The following ST8SIA5 variants were observed in gnomAD, a reference collection of about 807,000 sequenced individuals.
The protein encoded by ST8SIA5 is alpha-2,8-sialyltransferase 8E.
ST8SIA5 carries 24 observed loss-of-function variants against 40.2 expected under a neutral mutation model. That is an observed-to-expected ratio of 0.60 (90% confidence interval 0.43 to 0.84). ST8SIA5 has a LOEUF of 0.84. Among genes scored for constraint, ST8SIA5 ranks in the 40% least tolerant of loss-of-function variants. ST8SIA5 has a pLI of 0.00. For missense variants in ST8SIA5, 465 were observed against 498.5 expected (o/e 0.93, Z 0.64); for synonymous variants, 198 against 201.8 (o/e 0.98, Z 0.16).
At chr18:46,753,746 C>G (rs1487762586) in intron 1 of ST8SIA5, among the ~76,000 whole-genome samples, 3 of 152,130 alleles carry the variant, frequency 2.0e-5, no homozygotes, top group Non-Finnish European at 4.4e-5. Context: ...TGGCCTCTTC[C>G]CTCTGCATGC....
intron 1 of ST8SIA5, among the ~76,000 whole-genome samples, 187 bp from the exon 2 acceptor site, chr18:46,704,851 G>A (rs977980709): frequency 2.0e-5 from 3 of 152,198 alleles, no homozygotes; most frequent in Admixed American, 6.5e-5. Context: ...ATCACTGGGT[G>A]GTCAGTTACT....
intron 1 of ST8SIA5, among the ~76,000 whole-genome samples, chr18:46,714,773 G>T (rs986695946): frequency 2.0e-5 from 3 of 152,200 alleles, no homozygotes; most frequent in African/African-American, 7.2e-5. Context: ...GAGTTACAGA[G>T]CCTGTGACCT....
Position 46,699,449 on chromosome 18 carries a change from G to A in ST8SIA5, c.224+5123C>T, listed in dbSNP as rs948660214. Among the ~76,000 whole-genome samples, 4 of 150,218 alleles carry A rather than the reference G, an allele frequency of 2.7e-5. No homozygotes were observed. In the East Asian group the frequency reaches 7.9e-4, roughly 30 times the overall value. On this transcript the variant is annotated intron_variant, in intron 2 of 6. Transcript: ENST00000315087. Reference sequence around the variant, plus strand: ...GGCTGGAGTGCAGTGGTGTGATCTCGGCTCACTGCAAGCTCCGCCTGCTGG... The same window carrying A: ...GGCTGGAGTGCAGTGGTGTGATCTCAGCTCACTGCAAGCTCCGCCTGCTGG...
intron 1 of ST8SIA5, among the ~76,000 whole-genome samples, chr18:46,707,376 ATC>A (rs1426876092): frequency 3.3e-5 from 5 of 152,122 alleles, no homozygotes; most frequent in African/African-American, 1.2e-4. Flanking sequence ...CCCTCTCTGC[ATC>A]TCTTTTTTCT....
At chr18:46,684,840 G>A (rs1053634391) in intron 5 of ST8SIA5, among the ~76,000 whole-genome samples, 1 of 152,168 alleles carries the variant, frequency 6.6e-6, no homozygotes, top group Non-Finnish European at 1.5e-5. Context: ...TGGACACCAG[G>A]TTCCGTGGGA....
At chr18:46,737,927 C>A (rs1262313965) in intron 1 of ST8SIA5, among the ~76,000 whole-genome samples, 2 of 152,132 alleles carry the variant, frequency 1.3e-5, no homozygotes, top group African/African-American at 4.8e-5. Flanking sequence ...TGCACCACCA[C>A]GCCCGAATAA....
intron 1 of ST8SIA5, among the ~76,000 whole-genome samples, chr18:46,737,541 G>T: frequency 6.6e-6 from 1 of 152,312 alleles, no homozygotes; most frequent in South Asian, 2.1e-4. Context: ...AACAATTAGT[G>T]TCAGGCACTG....
intron 1 of ST8SIA5, among the ~76,000 whole-genome samples, chr18:46,732,240 G>T (rs2039992295): frequency 6.6e-6 from 1 of 152,218 alleles, no homozygotes. Flanking sequence ...GAGGGAGAGA[G>T]GTAGAGTGCA....
chr18:46,671,390 C>T lies in ST8SIA5; in HGVS notation c.*8652G>A, dbSNP rs2039308318. On this transcript the variant is annotated 3_prime_UTR_variant, in exon 7 of 7. Transcript: ENST00000315087. ...CCCTAGCTCCTGGGCTCACGGCAGT[C>T]CTGGTGCTGTGTTTCCTCATTGCTA... 2 of 77,866 alleles carry T rather than the reference C, an allele frequency of 2.6e-5. No homozygotes were observed. The highest frequency in any genetic ancestry group is 1.1e-4 in the African/African-American group (2 of 18,482). The allele number at this position is 77,866 out of a possible 1,614,324, so 4.8% of individuals were successfully genotyped here. A position where few individuals can be genotyped will look rare whatever the true frequency, so the allele number is the denominator to read the frequency against.
At chr18:46,742,866 G>T (rs1270806793) in intron 1 of ST8SIA5, among the ~76,000 whole-genome samples, 1 of 152,214 alleles carries the variant, frequency 6.6e-6, no homozygotes, top group African/African-American at 2.4e-5. Context: ...AACTTTCAAA[G>T]AAAGGATCAG....
chr18:46,680,935 T>G (rs1409958701), intron 6 of ST8SIA5, among the ~76,000 whole-genome samples: 1 of 152,162 alleles, frequency 6.6e-6, no homozygotes, highest in African/African-American at 2.4e-5. Context: ...GCTCAGACGC[T>G]TCCTCTCCTG....
At chr18:46,712,146 A>G (rs2039738889) in intron 1 of ST8SIA5, among the ~76,000 whole-genome samples, 1 of 152,176 alleles carries the variant, frequency 6.6e-6, no homozygotes, top group Admixed American at 6.5e-5. Context: ...GAGTATGTAC[A>G]TGATGACCTT....
intron 1 of ST8SIA5, among the ~76,000 whole-genome samples, chr18:46,751,675 A>G: frequency 6.6e-6 from 1 of 152,184 alleles, no homozygotes; most frequent in Non-Finnish European, 1.5e-5. Flanking sequence ...GATTACAGGT[A>G]TGAGCCACCG....
chr18:46,712,617 C>G (rs576251451), intron 1 of ST8SIA5, among the ~76,000 whole-genome samples: 1 of 152,272 alleles, frequency 6.6e-6, no homozygotes, highest in South Asian at 2.1e-4. Flanking sequence ...ACACACAGCT[C>G]CTCCATGGCC....
chr18:46,739,363 G>A lies in ST8SIA5; in HGVS notation c.131+17015C>T, dbSNP rs183850126. ...TCAAGACCAGCCTGGCCAACATAGC[G>A]AAACCCCGACTCTACTAAAAATACA... On this transcript the variant is annotated intron_variant, in intron 1 of 6. Coordinates refer to ENST00000315087, the MANE Select transcript of ST8SIA5 (RefSeq NM_013305.6). Among the ~76,000 whole-genome samples, 940 of 152,228 alleles carry A rather than the reference G, an allele frequency of 6.2e-3. 9 individuals are homozygous for A. The highest frequency in any genetic ancestry group is 0.021 in the African/African-American group (862 of 41,540).
intron 1 of ST8SIA5, among the ~76,000 whole-genome samples, chr18:46,754,529 C>G (rs2040223373): frequency 6.6e-6 from 1 of 152,172 alleles, no homozygotes; most frequent in Non-Finnish European, 1.5e-5. Flanking sequence ...GGCACGCTTC[C>G]AGGATCAGCC....
chr18:46,705,703 G>A (rs891038889), intron 1 of ST8SIA5, among the ~76,000 whole-genome samples: 1 of 152,248 alleles, frequency 6.6e-6, no homozygotes, highest in Non-Finnish European at 1.5e-5. Flanking sequence ...TCAGAGGCAG[G>A]GGTGGGTGGA....
At chr18:46,721,142 G>A (rs986525104) in intron 1 of ST8SIA5, among the ~76,000 whole-genome samples, 2 of 152,160 alleles carry the variant, frequency 1.3e-5, no homozygotes, top group Non-Finnish European at 2.9e-5. Flanking sequence ...AGGGGCCAGT[G>A]AATCCCCGCT....
intron 2 of ST8SIA5, among the ~76,000 whole-genome samples, chr18:46,693,932 T>C (rs1037166130): frequency 6.6e-6 from 1 of 152,232 alleles, no homozygotes; most frequent in East Asian, 1.9e-4. Context: ...CGCATTTCAG[T>C]TAAGAAATTG....
Sources: gnomAD v4.1 joint callset for allele counts (sites outside exome capture counted in the v4.1 genomes callset) on GRCh38, gnomAD v4.1.1 for gene constraint, MANE v1.5 for transcripts, NCBI Gene and HGNC (gene_info 2026-07-23, HGNC 2026-07-21) for gene names.